The following GRIN2B variants were observed in gnomAD, a reference collection of about 807,000 sequenced individuals.
GRIN2B encodes glutamate receptor ionotropic, NMDA 2B.
Under a neutral mutation model 114.5 loss-of-function variants are expected in GRIN2B, and 5 were observed. That is an observed-to-expected ratio of 0.04 (90% CI 0.02 to 0.09). The LOEUF (loss-of-function observed/expected upper bound fraction) is 0.09, where lower values mean the gene tolerates loss of function less well. Ranked by LOEUF, GRIN2B falls within the 10% of genes least tolerant of loss-of-function variation. The pLI is 1.00. For synonymous variants in GRIN2B, 787 were observed against 745.1 expected (o/e 1.06, Z -0.92); for missense variants, 1,108 against 1,943.5 (o/e 0.57, Z 8.08).
chr12:13,732,471 T>C (rs1361812766), intron 4 of GRIN2B, among the ~76,000 whole-genome samples: 1 of 152,230 alleles, frequency 6.6e-6, no homozygotes, highest in East Asian at 1.9e-4. Flanking sequence ...CTACGTTCTT[T>C]GAAATCCAGG....
chr12:13,778,867 A>G (rs185479179), intron 3 of GRIN2B, among the ~76,000 whole-genome samples: 13 of 151,980 alleles, frequency 8.6e-5, no homozygotes, highest in Admixed American at 7.9e-4. Flanking sequence ...AAATCAATCC[A>G]TTCTTGATCA....
chr12:13,828,570 T>C (rs1865093935), intron 3 of GRIN2B, among the ~76,000 whole-genome samples: 1 of 152,174 alleles, frequency 6.6e-6, no homozygotes, highest in Non-Finnish European at 1.5e-5. Context: ...CTCAACTCAG[T>C]CAGATTGCTG....
In GRIN2B at chr12:13,541,599, G is replaced by A. The variant is rs183481665; in HGVS notation, c.*21184C>T. ...GACTGAGTTGGCTGTGATACCTTAA[G>A]AACTCAAGATGTGGCGTTAGATGAG... On this transcript the variant is annotated 3_prime_UTR_variant, in exon 14 of 14. Transcript: ENST00000609686. 1 of 152,306 alleles carries A rather than the reference G, an allele frequency of 6.6e-6. No individual in the cohort carries two copies. The highest frequency in any genetic ancestry group is 1.9e-4 in the East Asian group (1 of 5,180). 9.4% of individuals were successfully genotyped at this position (152,306 alleles called of 1,614,324 possible). A position where few individuals can be genotyped will look rare whatever the true frequency, so the allele number is the denominator to read the frequency against.
At chr12:13,742,467 G>A (rs937554952) in intron 4 of GRIN2B, among the ~76,000 whole-genome samples, 4 of 152,104 alleles carry the variant, frequency 2.6e-5, no homozygotes, top group Non-Finnish European at 5.9e-5. Flanking sequence ...GTCTCGCCCT[G>A]TTGCCGAGGC....
intron 3 of GRIN2B, among the ~76,000 whole-genome samples, chr12:13,848,882 A>G (rs898325601): frequency 2.0e-5 from 3 of 152,170 alleles, no homozygotes; most frequent in Non-Finnish European, 2.9e-5. Flanking sequence ...AGTAGTTTTC[A>G]TAACAACCAC....
At chr12:13,637,344 C>T (rs1949674848) in intron 5 of GRIN2B, among the ~76,000 whole-genome samples, 1 of 152,150 alleles carries the variant, frequency 6.6e-6, no homozygotes, top group African/African-American at 2.4e-5. Flanking sequence ...GGTTATTATG[C>T]TCACTGTTCC....
intron 2 of GRIN2B, among the ~76,000 whole-genome samples, chr12:13,879,824 T>G (rs1565573074): frequency 6.6e-6 from 1 of 152,222 alleles, no homozygotes; most frequent in East Asian, 1.9e-4. Flanking sequence ...CAGGCCAGAA[T>G]CCATGGGCAG....
rs895072105 is a variant in GRIN2B at position 13,825,498 on chromosome 12, G to T, written c.411+40300C>A. Reference sequence around the variant, plus strand: ...TATATAATAAATATATATATATTTTGTGTGTGTGTGTGTGTGTGTGTGTGT... The same window carrying T: ...TATATAATAAATATATATATATTTTTTGTGTGTGTGTGTGTGTGTGTGTGT... On this transcript the variant is annotated intron_variant, in intron 3 of 13. Coordinates refer to ENST00000609686, the MANE Select transcript of GRIN2B (RefSeq NM_000834.5). 2.3e-3 allele frequency among the ~76,000 whole-genome samples: 258 copies of T among 112,958 alleles called. 3 individuals are homozygous for T. Among genetic ancestry groups the T allele is most frequent in the South Asian group, 0.014 (45 of 3,166 alleles). 74.1% of individuals were successfully genotyped at this position (112,958 alleles called of 152,430 possible). A position where few individuals can be genotyped will look rare whatever the true frequency, so the allele number is the denominator to read the frequency against.
chr12:13,576,580 T>G (rs1172281945), intron 10 of GRIN2B, among the ~76,000 whole-genome samples: 1 of 151,672 alleles, frequency 6.6e-6, no homozygotes, highest in Non-Finnish European at 1.5e-5. Flanking sequence ...AGAGTCTCAC[T>G]CTGTCACCCA....
At chr12:13,800,397 GT>G (rs1210395798) in intron 3 of GRIN2B, among the ~76,000 whole-genome samples, 1 of 152,098 alleles carries the variant, frequency 6.6e-6, no homozygotes, top group African/African-American at 2.4e-5. Context: ...CACTGACAGT[GT>G]TTGTTAAACT....
rs1317940477 is a variant in GRIN2B, at chr12:13,548,036, C to G, written c.*14747G>C. 1.4e-5 allele frequency: 2 copies of G among 144,006 alleles called. No homozygotes were observed. Among genetic ancestry groups the G allele is most frequent in the East Asian group, 2.0e-4 (1 of 4,926 alleles). 8.9% of individuals were successfully genotyped at this position (144,006 alleles called of 1,614,324 possible). On this transcript the variant is annotated 3_prime_UTR_variant, in exon 14 of 14. Transcript: ENST00000609686. ...GAGACCACGGAGATGTGTGAGCTGC[C>G]AAGGTGCCAATGATCAAATAGAGAA... is the stretch of plus-strand genomic sequence containing the variant.
intron 2 of GRIN2B, among the ~76,000 whole-genome samples, chr12:13,887,517 G>T (rs1056914682): frequency 1.3e-5 from 2 of 152,014 alleles, no homozygotes; most frequent in Admixed American, 1.3e-4. Context: ...CATACAAAAG[G>T]ATCGGCAAAA....
At position 13,543,059 on chromosome 12, in the gene GRIN2B, C is replaced by T. The variant is rs761464192; in HGVS notation, c.*19724G>A. The stretch of plus-strand genomic sequence containing the variant: ...CTTGATGCAATGATTGAAATGTTCT[C>T]GAATCACTCTCCCTCATTCCTGTCA... On this transcript the variant is annotated 3_prime_UTR_variant, in exon 14 of 14. Transcript: ENST00000609686. 1.3e-5 allele frequency: 2 copies of T among 152,150 alleles called. No individual in the cohort carries two copies. Among genetic ancestry groups the T allele is most frequent in the African/African-American group, 2.4e-5 (1 of 41,410 alleles). The allele number at this position is 152,150 out of a possible 1,614,324, so 9.4% of individuals were successfully genotyped here.
chr12:13,858,792 G>A (rs1015885629), intron 3 of GRIN2B, among the ~76,000 whole-genome samples: 11 of 152,106 alleles, frequency 7.2e-5, no homozygotes, highest in African/African-American at 2.7e-4. Context: ...ATGTGTATCA[G>A]TTTGTTGAAA....
intron 3 of GRIN2B, among the ~76,000 whole-genome samples, chr12:13,768,094 C>T (rs2136643027): frequency 6.6e-6 from 1 of 152,344 alleles, no homozygotes; most frequent in East Asian, 1.9e-4. Context: ...TCACTTTGCT[C>T]AGTGAATGCC....
intron 5 of GRIN2B, among the ~76,000 whole-genome samples, chr12:13,624,427 A>G (rs1949549106): frequency 1.3e-5 from 2 of 152,224 alleles, no homozygotes; most frequent in Non-Finnish European, 2.9e-5. Flanking sequence ...TACCCTGGAC[A>G]GACTCAGTTC....
chr12:13,822,591 C>A (rs1290449660), intron 3 of GRIN2B, among the ~76,000 whole-genome samples: 1 of 151,908 alleles, frequency 6.6e-6, no homozygotes, highest in Non-Finnish European at 1.5e-5. Context: ...ATTCTACATG[C>A]CAAGCACTTT....
intron 4 of GRIN2B, among the ~76,000 whole-genome samples, chr12:13,695,118 A>G (rs958214382): frequency 1.3e-5 from 2 of 152,200 alleles, no homozygotes; most frequent in African/African-American, 2.4e-5. Flanking sequence ...CACCAAAGAG[A>G]GAAAACTGAT....
At chr12:13,916,113 G>C (rs959955800) in intron 2 of GRIN2B, among the ~76,000 whole-genome samples, 1 of 152,092 alleles carries the variant, frequency 6.6e-6, no homozygotes. Context: ...AAAAGCCTGT[G>C]CACTGACTGC....
Sources: gnomAD v4.1 joint callset for allele counts (sites outside exome capture counted in the v4.1 genomes callset) on GRCh38, gnomAD v4.1.1 for gene constraint, MANE v1.5 for transcripts, NCBI Gene and HGNC (gene_info 2026-07-23, HGNC 2026-07-21) for gene names.